PHRF1: variants seen among roughly 807,000 people sequenced by gnomAD.
The protein encoded by PHRF1 is PHD and RING finger domain-containing protein 1.
In PHRF1, 53 loss-of-function variants were observed where a neutral mutation model predicts 128.9. The ratio of observed to expected loss-of-function variants is 0.41; its 90% CI spans 0.33 to 0.52. The LOEUF (loss-of-function observed/expected upper bound fraction) is 0.52, where lower values mean the gene tolerates loss of function less well. Among genes scored for constraint, PHRF1 ranks in the 20% least tolerant of loss-of-function variants. The probability of loss-of-function intolerance (pLI) is 0.21; values close to 1 mark genes in which losing one functional copy is unlikely to be tolerated. For missense variants in PHRF1, 2,503 were observed against 2,284.5 expected (o/e 1.10, Z -1.95); for synonymous variants, 1,178 against 980.6 (o/e 1.20, Z -3.76).
At chr11:611,175 T>C in intron 17 of PHRF1, 93 bp downstream of exon 17, 2 of 1,557,028 alleles carry the variant, frequency 1.3e-6, no homozygotes, top group Non-Finnish European at 1.7e-6. Flanking sequence ...TGGCCATGAG[T>C]GCAGGCCCGA....
intron 4 of PHRF1, among the ~76,000 whole-genome samples, chr11:589,747 AGTGTCTGCAAACGGGCACGGAGC>A (rs2132921356): frequency 6.6e-6 from 1 of 152,340 alleles, no homozygotes; most frequent in East Asian, 1.9e-4. Flanking sequence ...AGTCTGAGAG[AGTGTCTGCAAACGGGCACGGAGC>A]ATGTCAGGCT....
At chr11:600,935 C>T (rs1855590584) in intron 9 of PHRF1, among the ~76,000 whole-genome samples, 1 of 152,140 alleles carries the variant, frequency 6.6e-6, no homozygotes, top group Non-Finnish European at 1.5e-5. Flanking sequence ...CACTGCATTC[C>T]AGCCTGGGTG....
rs1856063012 is a variant in PHRF1 at position 608,021 on chromosome 11, G to C, written c.2565G>C (p.Leu855=). The change falls in exon 14 of 18, where the codon CTG becomes CTC. Residue 855 remains leucine (L), a synonymous_variant. Coordinates refer to ENST00000264555, the MANE Select transcript of PHRF1 (RefSeq NM_001286581.2). ...CCGAGAGGTCTGGCCCCGGCCTCCT[G>C]CCCTCTGAGATCACACGAACCATCT... The part of the protein sequence containing the change: ...SSPERSGPGL[L]PSEITRTISI... 1.2e-6 allele frequency: 2 copies of C among 1,611,010 alleles called. No homozygotes were observed. Among genetic ancestry groups the C allele is most frequent in the South Asian group, 2.2e-5 (2 of 91,084 alleles).
intron 6 of PHRF1, among the ~76,000 whole-genome samples, chr11:596,151 C>T (rs1265941606): frequency 6.6e-6 from 1 of 152,182 alleles, no homozygotes; most frequent in Non-Finnish European, 1.5e-5. Context: ...AAATCATCAG[C>T]TTGACTCCCT....
Position 597,893 on chromosome 11 carries a change from C to A in PHRF1, c.894+323C>A, listed in dbSNP as rs773785847. Among the ~76,000 whole-genome samples the A allele has an allele frequency of 2.0e-5, 3 of 152,222 alleles. No homozygotes were observed. In the East Asian group the frequency reaches 5.8e-4, roughly 29 times the overall value. On this transcript the variant is annotated intron_variant, in intron 8 of 17. Coordinates refer to ENST00000264555, the MANE Select transcript of PHRF1 (RefSeq NM_001286581.2). The surrounding 1 kb of genome is among the most constrained non-coding windows in gnomAD (Gnocchi z 6.5). The stretch of plus-strand genomic sequence containing the variant: ...CGCTCCCTCTAGGCACCTGTGAGCA[C>A]CTTCCTCTTGCACTGGACCTGGTGC...
At position 588,365 on chromosome 11, in the gene PHRF1, A is replaced by G. The variant is rs1332171770; in HGVS notation, c.420+901A>G. On this transcript the variant is annotated intron_variant, in intron 4 of 17. Transcript: ENST00000264555. ...GGTCCACAGCACACAGTAGATTCAGACTTAGACTTTTCTTTTTTTTTTTGT... is the reference window on the plus strand; with the variant it reads ...GGTCCACAGCACACAGTAGATTCAGGCTTAGACTTTTCTTTTTTTTTTTGT... Among the ~76,000 whole-genome samples, 3 of 150,222 alleles carry G rather than the reference A, an allele frequency of 2.0e-5. No homozygotes were observed. In the East Asian group the frequency reaches 5.8e-4, roughly 29 times the overall value.
At position 609,386 on chromosome 11, in the gene PHRF1, C is replaced by T. The variant is rs374559388; in HGVS notation, c.3930C>T (p.Pro1310=). The T allele has an allele frequency of 3.0e-5, 48 of 1,611,502 alleles. No homozygotes were observed. Among genetic ancestry groups the T allele is most frequent in the Non-Finnish European group, 3.6e-5 (42 of 1,179,892 alleles). ...ERDFPLKPAL[P]PASLAVAAIQ... is the part of the protein sequence containing the mutation. ...ACTTCCCACTGAAGCCTGCGTTGCC[C>T]CCAGCCAGCCTGGCCGTGGCCGCCA... The change falls in exon 14 of 18, where the codon CCC becomes CCT. Residue 1310 remains proline, a synonymous_variant. Transcript: ENST00000264555.
At position 607,677 on chromosome 11, in the gene PHRF1, C is replaced by T. The variant is rs751279269; in HGVS notation, c.2221C>T (p.Pro741Ser). The change falls in exon 14 of 18, where the codon CCC becomes TCC. Residue 741 changes from proline (P) to serine (S), a missense_variant. Coordinates refer to ENST00000264555, the MANE Select transcript of PHRF1 (RefSeq NM_001286581.2). ...GGCCAGCAGCAGGGTGCCCCGGGAG[C>T]CCGGGGTGCACACGGGCAGCTCCCG... is the stretch of plus-strand genomic sequence containing the variant. ...SEASSRVPRE[P>S]GVHTGSSRPP... is the part of the protein sequence containing the mutation. The T allele has an allele frequency of 4.3e-6, 7 of 1,610,144 alleles. No individual in the cohort carries two copies. Among genetic ancestry groups the T allele is most frequent in the Non-Finnish European group, 5.1e-6 (6 of 1,178,374 alleles).
At position 597,662 on chromosome 11, in the gene PHRF1, C is replaced by T. The variant is rs1855376896; in HGVS notation, c.894+92C>T. 4 of 1,450,876 alleles carry T rather than the reference C, an allele frequency of 2.8e-6. No individual in the cohort carries two copies. Among genetic ancestry groups the T allele is most frequent in the Middle Eastern group, 4.9e-4 (2 of 4,060 alleles). The allele number at this position is 1,450,876 out of a possible 1,614,324, so 89.9% of individuals were successfully genotyped here. A position where few individuals can be genotyped will look rare whatever the true frequency, so the allele number is the denominator to read the frequency against. On this transcript the variant is annotated intron_variant, in intron 8 of 17. Coordinates refer to ENST00000264555, the MANE Select transcript of PHRF1 (RefSeq NM_001286581.2). This position sits in a 1 kb window ranked among gnomAD's most constrained non-coding sequence, Gnocchi z 6.5. ...GTGGGTGGGAGGGGCGTCGTCGGCA[C>T]TGTGGGGTCCGCCCGGCCCCGGTGG... is the stretch of plus-strand genomic sequence containing the variant.
In PHRF1 at chr11:612,190, G is replaced by A. The variant is rs1856452638; in HGVS notation, c.*413G>A. ...ACAGCTGCTGTGTACCTTTGGCTCTGAATTAGGAATATCTTTACTTTCTCT... is the reference window on the plus strand; with the variant it reads ...ACAGCTGCTGTGTACCTTTGGCTCTAAATTAGGAATATCTTTACTTTCTCT... On this transcript the variant is annotated 3_prime_UTR_variant, in exon 18 of 18. Transcript: ENST00000264555. The A allele has an allele frequency of 9.8e-6, 3 of 306,092 alleles. No homozygotes were observed. The highest frequency in any genetic ancestry group is 4.7e-5 in the Admixed American group (1 of 21,450). 19.0% of individuals were successfully genotyped at this position (306,092 alleles called of 1,614,324 possible). A position where few individuals can be genotyped will look rare whatever the true frequency, so the allele number is the denominator to read the frequency against.
At chr11:584,884 C>T (rs1237177086) in intron 3 of PHRF1, among the ~76,000 whole-genome samples, 3 of 151,994 alleles carry the variant, frequency 2.0e-5, no homozygotes, top group Admixed American at 6.6e-5. Context: ...ATTACAGGCG[C>T]GCACCACCAT....
Position 589,804 on chromosome 11 carries a change from C to T in PHRF1, c.421-1580C>T, listed in dbSNP as rs113727061. Among the ~76,000 whole-genome samples the T allele has an allele frequency of 5.7e-3, 830 of 145,238 alleles. 11 individuals carry two copies. The highest frequency in any genetic ancestry group is 0.022 in the African/African-American group (786 of 35,466). ...CTCAGCCTGAGAGGGTGTCTGCAAA[C>T]GGGCACAGAGCGTGCGGGGCTCAGC... is the stretch of plus-strand genomic sequence containing the variant. On this transcript the variant is annotated intron_variant, in intron 4 of 17. Transcript: ENST00000264555.
Position 608,498 on chromosome 11 carries a change from C to A in PHRF1, c.3042C>A (p.His1014Gln), listed in dbSNP as rs369924594. ...KAKRKRVSRE[H>Q]GRTRSGTRSE... ...AGAGGAAGAGGGTGTCCAGGGAGCA[C>A]GGACGGACGCGCTCTGGGACGCGCT... The change falls in exon 14 of 18, where the codon CAC becomes CAA. Residue 1014 changes from histidine (H) to glutamine (Q), a missense_variant. Transcript: ENST00000264555. 2.5e-6 allele frequency: 4 copies of A among 1,611,854 alleles called. No homozygotes were observed. The South Asian group carries it at 3.3e-5, about 13-fold the overall frequency.
rs756131392 is a variant in PHRF1 at position 609,084 on chromosome 11, G to C, written c.3628G>C (p.Glu1210Gln). The change falls in exon 14 of 18, where the codon GAG becomes CAG. Residue 1210 changes from glutamate (E) to glutamine (Q), a missense_variant. Transcript: ENST00000264555. ...EASPAPLAQGEPGREDLPTRL... is the reference protein window; with the variant it reads ...EASPAPLAQGQPGREDLPTRL... ...TTCCCCAGCGCCCCTTGCACAGGGG[G>C]AGCCAGGGCGGGAAGACCTCCCCAC... 2.5e-6 allele frequency: 4 copies of C among 1,602,944 alleles called. No homozygotes were observed. The highest frequency in any genetic ancestry group is 1.1e-5 in the South Asian group (1 of 90,494).
Position 598,513 on chromosome 11 carries a change from A to G in PHRF1, c.1024+11A>G. On this transcript the variant is annotated intron_variant, in intron 9 of 17. Coordinates refer to ENST00000264555, the MANE Select transcript of PHRF1 (RefSeq NM_001286581.2). ...GGAAGAGGAAGACAAGTAAGCCTGA[A>G]GGGATGGACTCTCCCGCCAGCCACA... 6.2e-7 allele frequency: 1 copy of G among 1,604,310 alleles called. No individual in the cohort carries two copies. The highest frequency in any genetic ancestry group is 8.5e-7 in the Non-Finnish European group (1 of 1,177,604).
chr11:595,321 A>C (rs1056678200), intron 6 of PHRF1, among the ~76,000 whole-genome samples: 1 of 152,210 alleles, frequency 6.6e-6, no homozygotes, highest in African/African-American at 2.4e-5. Flanking sequence ...AAACAAAAAA[A>C]CACTATCTGT....
At chr11:578,173 G>A (rs565007202) in intron 1 of PHRF1, among the ~76,000 whole-genome samples, 1 of 152,366 alleles carries the variant, frequency 6.6e-6, no homozygotes, top group Admixed American at 6.5e-5. Flanking sequence ...CCTAACTACA[G>A]GTCCTGGTGG....
chr11:603,622 C>T (rs1185390966), intron 10 of PHRF1, among the ~76,000 whole-genome samples: 1 of 150,992 alleles, frequency 6.6e-6, no homozygotes, highest in Admixed American at 6.6e-5. Context: ...GGTGTGAGCG[C>T]CAAGTCTGCT....
chr11:607,756 G>T lies in PHRF1; in HGVS notation c.2300G>T (p.Gly767Val), dbSNP rs865800653. 2 of 1,612,448 alleles carry T rather than the reference G, an allele frequency of 1.2e-6. No homozygotes were observed. The highest frequency in any genetic ancestry group is 1.6e-4 in the Middle Eastern group (1 of 6,062). ...GSLAPLGPSR[G>V]KGVGSTFESF... ...TTGGCCCCACTGGGACCATCAAGAG[G>T]GAAAGGGGTCGGGTCGACCTTTGAG... The change falls in exon 14 of 18, where the codon GGG becomes GTG. Residue 767 changes from glycine (G) to valine (V), a missense_variant. Transcript: ENST00000264555.
Sources: allele counts gnomAD v4.1 joint callset (sites outside exome capture counted in the v4.1 genomes callset), GRCh38; gene constraint gnomAD v4.1.1; non-coding constraint Gnocchi (gnomAD v3.1); transcripts MANE v1.5; gene names NCBI Gene and HGNC (gene_info 2026-07-23, HGNC 2026-07-21).